The following RCAN2 variants were observed in gnomAD, a reference collection of about 807,000 sequenced individuals.
RCAN2 encodes the protein calcipressin-2.
A neutral mutation model predicts 23.6 loss-of-function variants in RCAN2; 9 were observed. The observed-to-expected ratio is 0.38, with a 90% CI of 0.23 to 0.67. The LOEUF (loss-of-function observed/expected upper bound fraction) is 0.67. Among genes scored for constraint, RCAN2 ranks in the 30% least tolerant of loss-of-function variants. The pLI, the probability that RCAN2 is intolerant of heterozygous loss-of-function variation, is 0.51. For missense variants in RCAN2, 273 were observed against 302.3 expected (o/e 0.90, Z 0.72); for synonymous variants, 109 against 115.7 (o/e 0.94, Z 0.37).
chr6:46,474,944 C>T (rs1202914455), intron 1 of RCAN2, among the ~76,000 whole-genome samples: 2 of 152,202 alleles, frequency 1.3e-5, no homozygotes, highest in Non-Finnish European at 2.9e-5. Flanking sequence ...TACTGCTTTA[C>T]TACTCATATT....
At chr6:46,375,609 A>T (rs1478891991) in intron 2 of RCAN2, among the ~76,000 whole-genome samples, 3 of 152,188 alleles carry the variant, frequency 2.0e-5, no homozygotes, top group Non-Finnish European at 4.4e-5. Context: ...TTCCAGGAAA[A>T]CAATCCTCCA....
chr6:46,449,528 G>T (rs957504450), intron 2 of RCAN2, among the ~76,000 whole-genome samples: 1 of 150,706 alleles, frequency 6.6e-6, no homozygotes, highest in Admixed American at 6.6e-5. Flanking sequence ...GAACCACAAA[G>T]GACTCTGAAT....
chr6:46,446,164 G>T (rs1007127034), intron 2 of RCAN2, among the ~76,000 whole-genome samples: 2 of 121,244 alleles, frequency 1.6e-5, no homozygotes, highest in African/African-American at 3.0e-5. Flanking sequence ...CTAAAAGCAA[G>T]AAAAAAAAAA....
intron 2 of RCAN2, among the ~76,000 whole-genome samples, chr6:46,432,554 G>T (rs1156795644): frequency 1.3e-5 from 2 of 151,912 alleles, no homozygotes; most frequent in Non-Finnish European, 2.9e-5. Context: ...AAATAATTTG[G>T]TGTGCTTCAT....
In RCAN2 at chr6:46,221,895, A is replaced by G. The variant is rs1017347507; in HGVS notation, c.*1246T>C. On this transcript the variant is annotated 3_prime_UTR_variant, in exon 5 of 5. Transcript: ENST00000371374. ...CACTTTGGGCTAGAGAAATAGAAAA[A>G]TCACACGTAACAAAAACAAATAACT... The G allele has an allele frequency of 5.0e-6, 2 of 398,366 alleles. No individual in the cohort carries two copies. The highest frequency in any genetic ancestry group is 8.9e-6 in the Non-Finnish European group (2 of 225,978). 24.7% of individuals were successfully genotyped at this position (398,366 alleles called of 1,614,324 possible). A position where few individuals can be genotyped will look rare whatever the true frequency, so the allele number is the denominator to read the frequency against.
chr6:46,373,261 G>T (rs1765368769), intron 2 of RCAN2, among the ~76,000 whole-genome samples: 1 of 151,988 alleles, frequency 6.6e-6, no homozygotes, highest in African/African-American at 2.4e-5. Context: ...TAGTATTTTG[G>T]TTTTATTTAT....
chr6:46,485,954 G>T (rs1768979686), intron 1 of RCAN2, among the ~76,000 whole-genome samples: 2 of 152,142 alleles, frequency 1.3e-5, no homozygotes, highest in Admixed American at 6.5e-5. Context: ...TTATATAAAT[G>T]TATTTTATAT....
chr6:46,256,580 T>C (rs1407296191), intron 2 of RCAN2, among the ~76,000 whole-genome samples: 1 of 152,104 alleles, frequency 6.6e-6, no homozygotes, highest in Admixed American at 6.5e-5. Flanking sequence ...TATTTGCTTT[T>C]CTTAAGTAGT....
intron 2 of RCAN2, among the ~76,000 whole-genome samples, chr6:46,399,153 G>C (rs1325206510): frequency 6.6e-6 from 1 of 151,608 alleles, no homozygotes; most frequent in East Asian, 2.0e-4. Flanking sequence ...TAAACTCCTG[G>C]GCACTAAAAT....
intron 2 of RCAN2, among the ~76,000 whole-genome samples, chr6:46,393,798 C>T (rs1766004944): frequency 6.6e-6 from 1 of 152,170 alleles, no homozygotes; most frequent in Admixed American, 6.5e-5. Context: ...ATTTTCTCCT[C>T]CACCTGAAGC....
chr6:46,405,756 C>A (rs1009130051), intron 2 of RCAN2, among the ~76,000 whole-genome samples: 1 of 152,222 alleles, frequency 6.6e-6, no homozygotes, highest in African/African-American at 2.4e-5. Context: ...AGTCCCGCAC[C>A]GTGCGCTCGC....
At chr6:46,391,478 G>T (rs1347798794) in intron 2 of RCAN2, among the ~76,000 whole-genome samples, 1 of 152,158 alleles carries the variant, frequency 6.6e-6, no homozygotes, top group Non-Finnish European at 1.5e-5. Context: ...ATTGGAAGCT[G>T]CACATAGATA....
intron 1 of RCAN2, among the ~76,000 whole-genome samples, chr6:46,467,307 TG>T (rs1307504433): frequency 6.6e-6 from 1 of 152,208 alleles, no homozygotes; most frequent in Non-Finnish European, 1.5e-5. Context: ...TGTGTGACCT[TG>T]GACAAATCAC....
At chr6:46,258,948 A>G (rs1257762895) in intron 2 of RCAN2, among the ~76,000 whole-genome samples, 1 of 152,200 alleles carries the variant, frequency 6.6e-6, no homozygotes, top group African/African-American at 2.4e-5. Flanking sequence ...AGCGGGGGTG[A>G]ATCCAAGTAT....
At chr6:46,243,827 AAAAAAC>A (rs1330410288) in intron 4 of RCAN2, among the ~76,000 whole-genome samples, 5 of 150,640 alleles carry the variant, frequency 3.3e-5, no homozygotes, top group Admixed American at 6.6e-5. Context: ...AAAAAAAAAA[AAAAAAC>A]CAAGAAATAA....
intron 2 of RCAN2, among the ~76,000 whole-genome samples, chr6:46,289,444 T>A (rs548632046): frequency 6.6e-6 from 1 of 152,302 alleles, no homozygotes; most frequent in South Asian, 2.1e-4. Flanking sequence ...AGTAAATAAA[T>A]CATCAGTTTG....
chr6:46,224,663 T>G (rs1258653545), intron 4 of RCAN2, among the ~76,000 whole-genome samples: 2 of 152,334 alleles, frequency 1.3e-5, no homozygotes, highest in Non-Finnish European at 2.9e-5. Flanking sequence ...ATTCTCAGTC[T>G]AAGTGCCTCC....
intron 2 of RCAN2, among the ~76,000 whole-genome samples, chr6:46,324,590 G>A (rs1763729004): frequency 2.0e-5 from 3 of 152,184 alleles, no homozygotes; most frequent in Admixed American, 6.5e-5. Flanking sequence ...GCTTCAGCTA[G>A]TTCTTCTATT....
At chr6:46,233,821 G>C (rs1765993995) in intron 4 of RCAN2, among the ~76,000 whole-genome samples, 1 of 150,698 alleles carries the variant, frequency 6.6e-6, no homozygotes, top group African/African-American at 2.4e-5. Context: ...TCTGCCTCCT[G>C]GGTTCAAACG....
Sources: gnomAD v4.1 joint callset for allele counts (sites outside exome capture counted in the v4.1 genomes callset) on GRCh38, gnomAD v4.1.1 for gene constraint, MANE v1.5 for transcripts, NCBI Gene and HGNC (gene_info 2026-07-23, HGNC 2026-07-21) for gene names.